The following CCDC39 variants were observed in gnomAD, a reference collection of about 807,000 sequenced individuals.
CCDC39 encodes coiled-coil domain-containing protein 39.
Under a neutral mutation model 121.0 loss-of-function variants are expected in CCDC39, and 113 were observed. The ratio of observed to expected loss-of-function variants is 0.93; its 90% confidence interval spans 0.80 to 1.09. The LOEUF (loss-of-function observed/expected upper bound fraction) is 1.09. Among genes scored for constraint, CCDC39 ranks in the 50% least tolerant of loss-of-function variants. The pLI, the probability that CCDC39 is intolerant of heterozygous loss-of-function variation, is 0.00. For synonymous variants in CCDC39, 349 were observed against 352.2 expected (o/e 0.99, Z 0.10); for missense variants, 1,063 against 1,074.7 (o/e 0.99, Z 0.15).
chr3:180,668,995 A>G (rs1281503521), intron 1 of CCDC39, among the ~76,000 whole-genome samples: 2 of 152,232 alleles, frequency 1.3e-5, no homozygotes, highest in Non-Finnish European at 2.9e-5. Context: ...ATACTTATAT[A>G]ATTACATATT....
chr3:180,627,835 TAAG>T (rs1717600457), intron 14 of CCDC39, among the ~76,000 whole-genome samples: 1 of 152,162 alleles, frequency 6.6e-6, no homozygotes, highest in South Asian at 2.1e-4. Flanking sequence ...GTGTCCCTTA[TAAG>T]AAGATATGTT....
At position 180,614,063 on chromosome 3, in the gene CCDC39, C is replaced by T; in HGVS notation, c.*858G>A. On this transcript the variant is annotated 3_prime_UTR_variant, in exon 20 of 20. Transcript: ENST00000476379. ...TTTTATAATATTCCACACTCTATTC[C>T]AAGAGTACAAAGTGTTGGGCACATG... The T allele has an allele frequency of 3.4e-6, 1 of 295,560 alleles. No individual in the cohort carries two copies. The highest frequency in any genetic ancestry group is 6.7e-6 in the Non-Finnish European group (1 of 150,088). The allele number at this position is 295,560 out of a possible 1,614,324, so 18.3% of individuals were successfully genotyped here. A position where few individuals can be genotyped will look rare whatever the true frequency, so the allele number is the denominator to read the frequency against.
intron 16 of CCDC39, chr3:180,617,649 T>G: frequency 2.5e-6 from 1 of 405,568 alleles, no homozygotes; most frequent in East Asian, 3.5e-5. Flanking sequence ...GAAAAATGCT[T>G]AGAGAATAAG....
intron 6 of CCDC39, among the ~76,000 whole-genome samples, chr3:180,655,472 G>C (rs1711558159): frequency 6.6e-6 from 1 of 151,420 alleles, no homozygotes; most frequent in African/African-American, 2.4e-5. Context: ...GGAACAAAGA[G>C]ATGATGAATT....
At chr3:180,673,533 A>G (rs1297841931) in intron 1 of CCDC39, among the ~76,000 whole-genome samples, 2 of 152,134 alleles carry the variant, frequency 1.3e-5, no homozygotes, top group Non-Finnish European at 2.9e-5. Context: ...CACGTTTTGA[A>G]TTTTTTATTG....
At chr3:180,664,068 T>C (rs1237029262) in intron 1 of CCDC39, 82 bp from the exon 2 acceptor site, 27 of 1,291,856 alleles carry the variant, frequency 2.1e-5, no homozygotes, top group Non-Finnish European at 2.7e-5. Flanking sequence ...GAAAATTAAA[T>C]TTTCATTTAC....
At chr3:180,654,165 T>C (rs1355833959) in intron 7 of CCDC39, among the ~76,000 whole-genome samples, 1 of 122,284 alleles carries the variant, frequency 8.2e-6, no homozygotes, top group Non-Finnish European at 1.6e-5. Context: ...GAATACACAA[T>C]GGGGAAAGGA....
intron 16 of CCDC39, 57 bp downstream of exon 16, chr3:180,619,202 G>A (rs150229525): frequency 1.3e-6 from 1 of 790,032 alleles, no homozygotes; most frequent in African/African-American, 1.7e-5. Context: ...AGAAGTAGCA[G>A]TAATGATAGT....
rs1231635925 is a variant in CCDC39 at position 180,619,981 on chromosome 3, C to G, written c.1999-11G>C. On this transcript the variant is annotated splice_polypyrimidine_tract_variant and intron_variant, in intron 14 of 19. Coordinates refer to ENST00000476379, the MANE Select transcript of CCDC39 (RefSeq NM_181426.2). ...TTTTTCTTGAGCAGCCTATGAAGTACAGAATAGAACTGGTTGAATAAAAGC... is the reference window on the plus strand; with the variant it reads ...TTTTTCTTGAGCAGCCTATGAAGTAGAGAATAGAACTGGTTGAATAAAAGC... The G allele has an allele frequency of 6.3e-7, 1 of 1,577,992 alleles. No homozygotes were observed. Among genetic ancestry groups the G allele is most frequent in the East Asian group, 2.3e-5 (1 of 44,164 alleles).
chr3:180,654,398 T>C (rs1711536002), intron 7 of CCDC39, among the ~76,000 whole-genome samples: 1 of 151,684 alleles, frequency 6.6e-6, no homozygotes, highest in African/African-American at 2.4e-5. Flanking sequence ...ATTTTTTGAA[T>C]TTGACACCAA....
At chr3:180,675,459 G>T (rs1712169452) in intron 1 of CCDC39, among the ~76,000 whole-genome samples, 1 of 152,076 alleles carries the variant, frequency 6.6e-6, no homozygotes, top group Admixed American at 6.6e-5. Context: ...TTTTTGAAGG[G>T]TTTTTTGTGT....
In CCDC39 at chr3:180,617,394, T is replaced by G. The variant is rs184747241; in HGVS notation, c.2266-428A>C. 662 of 638,562 alleles carry G rather than the reference T, an allele frequency of 1.0e-3. 6 individuals carry two copies. In the African/African-American group the frequency reaches 0.011, roughly 10 times the overall value. The allele number at this position is 638,562 out of a possible 1,614,324, so 39.6% of individuals were successfully genotyped here. A position where few individuals can be genotyped will look rare whatever the true frequency, so the allele number is the denominator to read the frequency against. On this transcript the variant is annotated intron_variant, in intron 16 of 19. Coordinates refer to ENST00000476379, the MANE Select transcript of CCDC39 (RefSeq NM_181426.2). ...TTATTTTACAGTGTACTCCTATTTA[T>G]TTAAAAAGTTAACTATAAAACAGCC...
At chr3:180,676,497 G>A (rs1233028578) in intron 1 of CCDC39, among the ~76,000 whole-genome samples, 1 of 152,230 alleles carries the variant, frequency 6.6e-6, no homozygotes, top group East Asian at 1.9e-4. Flanking sequence ...GAAACAACAG[G>A]TGCTGGAAAG....
At position 180,679,469 on chromosome 3, in the gene CCDC39, C is replaced by T. The variant is rs888979165; in HGVS notation, c.-89G>A. The T allele has an allele frequency of 9.0e-6, 11 of 1,228,270 alleles. No homozygotes were observed. Among genetic ancestry groups the T allele is most frequent in the African/African-American group, 1.5e-5 (1 of 67,144 alleles). The allele number at this position is 1,228,270 out of a possible 1,614,324, so 76.1% of individuals were successfully genotyped here. A position where few individuals can be genotyped will look rare whatever the true frequency, so the allele number is the denominator to read the frequency against. Reference sequence around the variant, plus strand: ...CACCCGCGTCAAGCCCAGGCACCTGCACAGTGCCGCGGCAATTGCCGGGGG... The same window carrying T: ...CACCCGCGTCAAGCCCAGGCACCTGTACAGTGCCGCGGCAATTGCCGGGGG... On this transcript the variant is annotated 5_prime_UTR_variant, in exon 1 of 20. Coordinates refer to ENST00000476379, the MANE Select transcript of CCDC39 (RefSeq NM_181426.2). This position sits in a 1 kb window ranked among gnomAD's most constrained non-coding sequence, Gnocchi z 4.0.
intron 6 of CCDC39, among the ~76,000 whole-genome samples, chr3:180,655,317 C>T (rs1375875026): frequency 2.6e-5 from 4 of 151,692 alleles, no homozygotes; most frequent in East Asian, 3.9e-4. Context: ...TTTTACAGAC[C>T]GGTTTTTTTT....
At chr3:180,639,473 G>T (rs1717905141) in intron 13 of CCDC39, among the ~76,000 whole-genome samples, 1 of 152,166 alleles carries the variant, frequency 6.6e-6, no homozygotes, top group African/African-American at 2.4e-5. Context: ...CATGGCATTT[G>T]CAGCAACTTG....
chr3:180,664,549 G>A (rs1019826086), intron 1 of CCDC39, among the ~76,000 whole-genome samples: 2 of 152,144 alleles, frequency 1.3e-5, no homozygotes, highest in Admixed American at 6.5e-5. Context: ...ATTGCTGTGG[G>A]AAAATTAGCA....
chr3:180,634,167 C>T (rs1308040346), intron 13 of CCDC39, among the ~76,000 whole-genome samples: 1 of 150,886 alleles, frequency 6.6e-6, no homozygotes, highest in Non-Finnish European at 1.5e-5. Flanking sequence ...CCCACCCCAC[C>T]AGCTGAACAC....
At chr3:180,615,585 AGAAACAGTTTTTTATACTTAAAT>A (rs1717200160) in intron 19 of CCDC39, among the ~76,000 whole-genome samples, 1 of 152,198 alleles carries the variant, frequency 6.6e-6, no homozygotes, top group Non-Finnish European at 1.5e-5. Flanking sequence ...TCAGTTATAT[AGAAACAGTTTTTTATACTTAAAT>A]GAAACACTTT....
Sources: allele counts gnomAD v4.1 joint callset (sites outside exome capture counted in the v4.1 genomes callset), GRCh38; gene constraint gnomAD v4.1.1; non-coding constraint Gnocchi (gnomAD v3.1); transcripts MANE v1.5; gene names NCBI Gene and HGNC (gene_info 2026-07-23, HGNC 2026-07-21).